The following GRAMD1A variants were observed in gnomAD, a reference collection of about 807,000 sequenced individuals.
GRAMD1A encodes the protein protein Aster-A.
Under a neutral mutation model 92.0 loss-of-function variants are expected in GRAMD1A, and 50 were observed. The observed-to-expected ratio is 0.54, with a 90% confidence interval of 0.43 to 0.69. The LOEUF is 0.69. GRAMD1A is among the 30% of genes least tolerant of loss of function. The probability of loss-of-function intolerance (pLI) is 0.00; values close to 1 mark genes in which losing one functional copy is unlikely to be tolerated. For synonymous variants in GRAMD1A, 405 were observed against 403.6 expected (o/e 1.00, Z -0.04); for missense variants, 819 against 978.9 (o/e 0.84, Z 2.18).
intron 11 of GRAMD1A, among the ~76,000 whole-genome samples, chr19:35,018,076 C>T (rs1863343440): frequency 6.6e-6 from 1 of 152,042 alleles, no homozygotes; most frequent in African/African-American, 2.4e-5. Flanking sequence ...TAGCCTCTGC[C>T]TTCTGGGTTT....
Position 35,019,225 on chromosome 19 carries a change from G to A in GRAMD1A, c.1248G>A (p.Lys416=), listed in dbSNP as rs375325840. Residue 416 remains lysine (K), a synonymous_variant, in exon 12 of 20, where the codon AAG becomes AAA. Coordinates refer to ENST00000317991, the MANE Select transcript of GRAMD1A (RefSeq NM_020895.5). The part of the protein sequence containing the change: ...VTLSPWSGDS[K]CHQRRVLTYT... ...TGAGCCCCTGGAGTGGGGACAGCAA[G>A]TGCCACCAGCGCCGGGTGCTGACGT... 12 of 1,613,182 alleles carry A rather than the reference G, an allele frequency of 7.4e-6. No homozygotes were observed. The highest frequency in any genetic ancestry group is 1.1e-5 in the South Asian group (1 of 91,016).
Position 35,020,448 on chromosome 19 carries a change from G to C in GRAMD1A, c.1475+915G>C, listed in dbSNP as rs572188268. Among the ~76,000 whole-genome samples, 5 of 152,202 alleles carry C rather than the reference G, an allele frequency of 3.3e-5. No homozygotes were observed. In the South Asian group the frequency reaches 1.0e-3, roughly 32 times the overall value. On this transcript the variant is annotated intron_variant, in intron 13 of 19. Transcript: ENST00000317991. ...TACTACTTGGGAGGCTAAGGCACAA[G>C]AATCACTTGAACCTAGGAGGTGGAG...
rs1424772742 is a variant in GRAMD1A at position 35,013,753 on chromosome 19, G to T, written c.870+62G>T. 24 of 1,494,146 alleles carry T rather than the reference G, an allele frequency of 1.6e-5. No individual in the cohort carries two copies. Among genetic ancestry groups the T allele is most frequent in the Non-Finnish European group, 6.4e-6 (7 of 1,092,202 alleles). The allele number at this position is 1,494,146 out of a possible 1,614,324, so 92.6% of individuals were successfully genotyped here. On this transcript the variant is annotated intron_variant, in intron 9 of 19. Coordinates refer to ENST00000317991, the MANE Select transcript of GRAMD1A (RefSeq NM_020895.5). This position sits in a 1 kb window ranked among gnomAD's most constrained non-coding sequence, Gnocchi z 4.9. ...AGGAAGAGAGAGGAGGGCTGGGGGT[G>T]CAGTGGGAGAAGAACAGCCTGACAG...
At chr19:35,015,039 G>A in intron 10 of GRAMD1A, 1 of 155,524 alleles carries the variant, frequency 6.4e-6, no homozygotes, top group Non-Finnish European at 1.4e-5. Context: ...ATGGGGTCAT[G>A]CACCCTATGT....
chr19:35,000,609 A>C lies in GRAMD1A; in HGVS notation c.8+123A>C. On this transcript the variant is annotated intron_variant, in intron 1 of 19. Coordinates refer to ENST00000317991, the MANE Select transcript of GRAMD1A (RefSeq NM_020895.5). This position sits in a 1 kb window ranked among gnomAD's most constrained non-coding sequence, Gnocchi z 4.9. ...CTGCAGAGGTCGGGGGCCTCTGCAC[A>C]TGGCTCTGGCCGGGGCGATCGGGGT... 1.2e-5 allele frequency: 2 copies of C among 173,332 alleles called. No individual in the cohort carries two copies. Among genetic ancestry groups the C allele is most frequent in the African/African-American group, 2.9e-5 (1 of 34,866 alleles). 10.7% of individuals were successfully genotyped at this position (173,332 alleles called of 1,614,324 possible). A position where few individuals can be genotyped will look rare whatever the true frequency, so the allele number is the denominator to read the frequency against.
upstream of GRAMD1A, among the ~76,000 whole-genome samples, chr19:34,995,573 T>TTTTTTTTG (rs2013996438): frequency 2.3e-5 from 2 of 86,160 alleles, no homozygotes; most frequent in African/African-American, 4.2e-5. Flanking sequence ...GATCACGGGT[T>TTTTTTTTG]TTTTTTTTTT....
In GRAMD1A at chr19:35,019,257, T is replaced by C; in HGVS notation, c.1280T>C (p.Ile427Thr). The C allele has an allele frequency of 2.5e-6, 4 of 1,613,524 alleles. No homozygotes were observed. Among genetic ancestry groups the C allele is most frequent in the Non-Finnish European group, 3.4e-6 (4 of 1,179,680 alleles). The change falls in exon 12 of 20, where the codon ATC (isoleucine) becomes ACC (threonine). Residue 427 changes from isoleucine to threonine, a missense_variant. Transcript: ENST00000317991. ...CAGCGCCGGGTGCTGACGTACACCA[T>C]CCCCATCAGCAACCCACTGGGCCCC... ...CHQRRVLTYT[I>T]PISNPLGPKS...
Position 35,022,920 on chromosome 19 carries a change from C to T in GRAMD1A, c.1853+9C>T, listed in dbSNP as rs1360989096. 1.3e-6 allele frequency: 2 copies of T among 1,592,624 alleles called. No individual in the cohort carries two copies. Among genetic ancestry groups the T allele is most frequent in the Non-Finnish European group, 1.7e-6 (2 of 1,167,926 alleles). On this transcript the variant is annotated intron_variant, in intron 17 of 19. Transcript: ENST00000317991. ...TGCAGGATCTGTGTGAGGTAGGGTCCCGAGTCCTCCCCCTGCCCTCCCCTC... is the reference window on the plus strand; with the variant it reads ...TGCAGGATCTGTGTGAGGTAGGGTCTCGAGTCCTCCCCCTGCCCTCCCCTC...
chr19:35,013,014 A>G lies in GRAMD1A; in HGVS notation c.607-242A>G. On this transcript the variant is annotated intron_variant, in intron 7 of 19. Transcript: ENST00000317991. This position sits in a 1 kb window ranked among gnomAD's most constrained non-coding sequence, Gnocchi z 4.9. ...AAAAAGATATAAAAAAAATGGGAACATTCTCTGGCCAGAGTATTGTGGGGA... is the reference window on the plus strand; with the variant it reads ...AAAAAGATATAAAAAAAATGGGAACGTTCTCTGGCCAGAGTATTGTGGGGA... 2.1e-6 allele frequency: 1 copy of G among 486,368 alleles called. No homozygotes were observed. The highest frequency in any genetic ancestry group is 3.7e-6 in the Non-Finnish European group (1 of 270,342). The allele number at this position is 486,368 out of a possible 1,614,324, so 30.1% of individuals were successfully genotyped here. A position where few individuals can be genotyped will look rare whatever the true frequency, so the allele number is the denominator to read the frequency against.
At chr19:35,023,935 T>C in intron 19 of GRAMD1A, 1 of 165,926 alleles carries the variant, frequency 6.0e-6, no homozygotes, top group Admixed American at 6.1e-5. Flanking sequence ...GCTGCTGGGG[T>C]CCCAGGCCTA....
upstream of GRAMD1A, among the ~76,000 whole-genome samples, chr19:34,996,499 G>T (rs773306194): frequency 1.6e-4 from 25 of 152,246 alleles, no homozygotes; most frequent in Non-Finnish European, 3.4e-4. Context: ...GCTCAGCTGA[G>T]TTCTGCCTAG....
chr19:35,001,041 G>C (rs1172839757), intron 1 of GRAMD1A: 1 of 152,382 alleles, frequency 6.6e-6, no homozygotes, highest in Non-Finnish European at 1.5e-5. Flanking sequence ...TTGAGGTCAT[G>C]GAGGGCGGGG....
At chr19:35,006,534 C>G (rs1342046823) in intron 1 of GRAMD1A, among the ~76,000 whole-genome samples, 1 of 152,202 alleles carries the variant, frequency 6.6e-6, no homozygotes, top group Non-Finnish European at 1.5e-5. Flanking sequence ...CCAACGCCAT[C>G]CCCACAGTCC....
intron 1 of GRAMD1A, among the ~76,000 whole-genome samples, chr19:35,003,177 T>C (rs75846666): frequency 0.064 from 9,111 of 141,794 alleles, 329 homozygotes; most frequent in East Asian, 0.16. Flanking sequence ...TGTGTGTGTG[T>C]GCATATGAGA....
chr19:35,026,375 G>A lies in GRAMD1A; in HGVS notation c.*234G>A, dbSNP rs1425583085. 2.4e-5 allele frequency: 14 copies of A among 581,020 alleles called. No homozygotes were observed. In the Admixed American group the frequency reaches 3.3e-4, roughly 14 times the overall value. The allele number at this position is 581,020 out of a possible 1,614,324, so 36.0% of individuals were successfully genotyped here. A position where few individuals can be genotyped will look rare whatever the true frequency, so the allele number is the denominator to read the frequency against. ...TTATTTTGCCCGGCTGAGGTTGTGGGGGGCGCCTCCTGGGGTGCACGATTC... is the reference window on the plus strand; with the variant it reads ...TTATTTTGCCCGGCTGAGGTTGTGGAGGGCGCCTCCTGGGGTGCACGATTC... On this transcript the variant is annotated 3_prime_UTR_variant, in exon 20 of 20. Transcript: ENST00000317991.
At chr19:35,020,165 G>C (rs1373010330) in intron 13 of GRAMD1A, among the ~76,000 whole-genome samples, 1 of 152,198 alleles carries the variant, frequency 6.6e-6, no homozygotes, top group Non-Finnish European at 1.5e-5. Context: ...GCTGAGGCAG[G>C]AGTATCACTT....
Position 35,009,116 on chromosome 19 carries a change from C to T in GRAMD1A, c.9-3C>T. Reference sequence around the variant, plus strand: ...ACACTTCTCTTCCTCTTCCTGCCCCCAGCACCACACCCCACTCTGGCCGGA... The same window carrying T: ...ACACTTCTCTTCCTCTTCCTGCCCCTAGCACCACACCCCACTCTGGCCGGA... On this transcript the variant is annotated splice_polypyrimidine_tract_variant and splice_region_variant and intron_variant, in intron 1 of 19. Transcript: ENST00000317991. 6.2e-7 allele frequency: 1 copy of T among 1,606,924 alleles called. No homozygotes were observed. Among genetic ancestry groups the T allele is most frequent in the Non-Finnish European group, 8.5e-7 (1 of 1,173,544 alleles).
At chr19:35,022,789 G>A (rs2016158513) in intron 16 of GRAMD1A, 111 bp from the exon 17 acceptor site, 3 of 978,392 alleles carry the variant, frequency 3.1e-6, no homozygotes, top group South Asian at 1.7e-5. Context: ...ATCCAGTGAG[G>A]GGGCGTGGTG....
intron 10 of GRAMD1A, chr19:35,014,656 T>G: frequency 1.9e-6 from 1 of 519,786 alleles, no homozygotes. Flanking sequence ...ATTATGTAAC[T>G]TCTCTGAGCT....
Sources: gnomAD v4.1 joint callset for allele counts (sites outside exome capture counted in the v4.1 genomes callset) on GRCh38, gnomAD v4.1.1 for gene constraint, Gnocchi (gnomAD v3.1) non-coding constraint, MANE v1.5 for transcripts, NCBI Gene and HGNC (gene_info 2026-07-23, HGNC 2026-07-21) for gene names.